CSMD3: variants seen among roughly 807,000 people sequenced by gnomAD.
CSMD3 encodes the protein CUB and Sushi multiple domains 3.
A neutral mutation model predicts 435.2 loss-of-function variants in CSMD3; 177 were observed. The observed-to-expected ratio is 0.41, with a 90% confidence interval of 0.36 to 0.46. The LOEUF (loss-of-function observed/expected upper bound fraction) is 0.46. CSMD3 is among the 20% of genes least tolerant of loss of function. The pLI is 0.34. For missense variants in CSMD3, 4,265 were observed against 4,504.6 expected, an observed-to-expected ratio of 0.95 and a Z score of 1.52; for synonymous variants, 1,656 against 1,520.5, an observed-to-expected ratio of 1.09 and a Z score of -2.07.
chr8:112,737,963 T>C (rs977395557), intron 13 of CSMD3, among the ~76,000 whole-genome samples: 1 of 151,910 alleles, frequency 6.6e-6, no homozygotes, highest in Non-Finnish European at 1.5e-5. Context: ...AATCATTACC[T>C]AAACTCATTT....
chr8:113,280,459 T>A (rs1380100587), intron 2 of CSMD3, among the ~76,000 whole-genome samples: 1 of 152,028 alleles, frequency 6.6e-6, no homozygotes, highest in Admixed American at 6.6e-5. Context: ...GTAGAGGTGT[T>A]CACAGTAGCC....
chr8:113,104,725 C>A (rs2090425943), intron 4 of CSMD3, among the ~76,000 whole-genome samples: 1 of 152,006 alleles, frequency 6.6e-6, no homozygotes. Flanking sequence ...ATTTTTCAGT[C>A]AAGCTACCTC....
intron 27 of CSMD3, chr8:112,538,944 A>T (rs970395210): frequency 6.6e-6 from 1 of 152,618 alleles, no homozygotes; most frequent in Non-Finnish European, 1.5e-5. Context: ...TCTGGAGTCC[A>T]ACTCATTATG....
intron 10 of CSMD3, among the ~76,000 whole-genome samples, chr8:112,911,422 A>G (rs1363912338): frequency 6.6e-6 from 1 of 151,866 alleles, no homozygotes; most frequent in East Asian, 1.9e-4. Flanking sequence ...CTCTCTTAGT[A>G]AATGCCAAGC....
chr8:112,341,352 C>A (rs903412243), intron 42 of CSMD3, 125 bp downstream of exon 42: 2 of 692,492 alleles, frequency 2.9e-6, no homozygotes, highest in Admixed American at 2.9e-5. Context: ...TTGAAGCTCA[C>A]CTTGGCTTAA....
rs570592338 is a variant in CSMD3, at chr8:112,228,010, C to G, written c.10964+746G>C. 2.0e-5 allele frequency among the ~76,000 whole-genome samples: 3 copies of G among 152,114 alleles called. No individual in the cohort carries two copies. The South Asian group carries it at 6.3e-4, about 32-fold the overall frequency. On this transcript the variant is annotated intron_variant, in intron 70 of 70. Transcript: ENST00000297405. ...TGAGCCGAGATTGTGCCACTGCACT[C>G]CATCCTGAGCGACAGAGCAAGACTC...
chr8:113,397,961 C>T (rs1317871370), intron 1 of CSMD3, among the ~76,000 whole-genome samples: 1 of 152,038 alleles, frequency 6.6e-6, no homozygotes, highest in South Asian at 2.1e-4. Flanking sequence ...GTTAATTGTG[C>T]CTCCATTTTT....
At chr8:112,543,157 TA>T (rs905561951) in intron 27 of CSMD3, among the ~76,000 whole-genome samples, 1 of 151,252 alleles carries the variant, frequency 6.6e-6, no homozygotes, top group Non-Finnish European at 1.5e-5. Context: ...CAGAAGGAAA[TA>T]AAAAAAAGAG....
chr8:112,798,476 G>A (rs1168668988), intron 13 of CSMD3, among the ~76,000 whole-genome samples: 2 of 151,738 alleles, frequency 1.3e-5, no homozygotes, highest in African/African-American at 4.8e-5. Context: ...CTAAGGAAAA[G>A]GAGGGAGAAA....
At chr8:112,934,501 C>T (rs550880771) in intron 9 of CSMD3, among the ~76,000 whole-genome samples, 2 of 152,102 alleles carry the variant, frequency 1.3e-5, no homozygotes, top group Non-Finnish European at 2.9e-5. Flanking sequence ...TTAATATATT[C>T]CTTTCAATGA....
chr8:112,901,611 T>C (rs1420622260), intron 10 of CSMD3, among the ~76,000 whole-genome samples: 2 of 151,306 alleles, frequency 1.3e-5, no homozygotes, highest in East Asian at 2.0e-4. Context: ...TCTCCTTCCA[T>C]ATTTCCTGAT....
intron 45 of CSMD3, among the ~76,000 whole-genome samples, chr8:112,322,648 A>G (rs1401729382): frequency 2.6e-5 from 4 of 152,134 alleles, no homozygotes; most frequent in African/African-American, 9.6e-5. Context: ...CTGTGTCTCA[A>G]TTCCCAATTC....
At chr8:112,283,262 T>C (rs1021979188) in intron 58 of CSMD3, among the ~76,000 whole-genome samples, 2 of 151,952 alleles carry the variant, frequency 1.3e-5, no homozygotes, top group Non-Finnish European at 2.9e-5. Context: ...AAATTGAATT[T>C]TTTTTTGTGA....
At chr8:112,968,340 G>A (rs770863366) in intron 7 of CSMD3, among the ~76,000 whole-genome samples, 4 of 151,596 alleles carry the variant, frequency 2.6e-5, no homozygotes, top group Non-Finnish European at 4.4e-5. Context: ...AGGGACAGTG[G>A]CAATCATATT....
chr8:112,741,402 G>A (rs2077301416), intron 13 of CSMD3, among the ~76,000 whole-genome samples: 1 of 151,736 alleles, frequency 6.6e-6, no homozygotes, highest in South Asian at 2.1e-4. Context: ...ATCACAGTGA[G>A]GTAATCTGAC....
intron 27 of CSMD3, among the ~76,000 whole-genome samples, chr8:112,528,806 C>T (rs1203112276): frequency 6.6e-6 from 1 of 152,128 alleles, no homozygotes; most frequent in African/African-American, 2.4e-5. Flanking sequence ...AAGCGATTCA[C>T]TCCTAGCTCC....
intron 11 of CSMD3, among the ~76,000 whole-genome samples, chr8:112,847,676 C>A (rs543996174): frequency 6.6e-6 from 1 of 152,280 alleles, no homozygotes; most frequent in East Asian, 1.9e-4. Context: ...AGACCTGGCA[C>A]TGAAGCTTGG....
chr8:112,229,158 G>A (rs1812849610), intron 69 of CSMD3, among the ~76,000 whole-genome samples: 2 of 152,174 alleles, frequency 1.3e-5, no homozygotes, highest in Admixed American at 6.5e-5. Context: ...AAGACATATG[G>A]AGTATATAAT....
intron 28 of CSMD3, among the ~76,000 whole-genome samples, chr8:112,510,497 T>C (rs562192210): frequency 6.6e-6 from 1 of 152,234 alleles, no homozygotes. Context: ...CTCTAACTTA[T>C]GTTTTTAGAT....
Sources: allele counts gnomAD v4.1 joint callset (sites outside exome capture counted in the v4.1 genomes callset), GRCh38; gene constraint gnomAD v4.1.1; transcripts MANE v1.5; gene names NCBI Gene and HGNC (gene_info 2026-07-23, HGNC 2026-07-21).